MGAT3: variants seen among roughly 807,000 people sequenced by gnomAD.
MGAT3 encodes GlcNAc-T III.
In MGAT3, 9 loss-of-function variants were observed where a neutral mutation model predicts 29.8. The ratio of observed to expected loss-of-function variants is 0.30; its 90% CI spans 0.18 to 0.53. MGAT3 has a LOEUF of 0.53. MGAT3 is among the 20% of genes least tolerant of loss of function. The probability of loss-of-function intolerance (pLI) is 0.96; values close to 1 mark genes in which losing one functional copy is unlikely to be tolerated. For synonymous variants in MGAT3, 397 were observed against 348.9 expected, an observed-to-expected ratio of 1.14 and a Z score of -1.54; for missense variants, 557 against 769.5, an observed-to-expected ratio of 0.72 and a Z score of 3.27.
intron 1 of MGAT3, among the ~76,000 whole-genome samples, chr22:39,465,815 T>TCAGCTA (rs1359397012): frequency 4.0e-5 from 6 of 151,450 alleles, no homozygotes; most frequent in Non-Finnish European, 8.8e-5. Flanking sequence ...GCCTGTAATC[T>TCAGCTA]CAGCTACTCG....
At position 39,489,781 on chromosome 22, in the gene MGAT3, G is replaced by C. The variant is rs1929401471; in HGVS notation, c.*832G>C. On this transcript the variant is annotated 3_prime_UTR_variant, in exon 2 of 2. Transcript: ENST00000341184. ...AGAGTCCAGTTGTAGGTGTGGCCTT[G>C]AGGGGGAAGTGGGGAGGAGAAGACT... 6.0e-6 allele frequency: 1 copy of C among 167,462 alleles called. No homozygotes were observed. Among genetic ancestry groups the C allele is most frequent in the Admixed American group, 6.5e-5 (1 of 15,290 alleles). The allele number at this position is 167,462 out of a possible 1,614,324, so 10.4% of individuals were successfully genotyped here.
intron 1 of MGAT3, among the ~76,000 whole-genome samples, chr22:39,481,557 G>A (rs1037683877): frequency 6.6e-6 from 1 of 152,218 alleles, no homozygotes; most frequent in Non-Finnish European, 1.5e-5. Flanking sequence ...GAGTGAATGA[G>A]TGACGTGGGT....
In MGAT3 at chr22:39,489,372, G is replaced by T; in HGVS notation, c.*423G>T. On this transcript the variant is annotated 3_prime_UTR_variant, in exon 2 of 2. Coordinates refer to ENST00000341184, the MANE Select transcript of MGAT3 (RefSeq NM_002409.5). ...ATCCCTGGGCCTTGGGCTCCGTGTG[G>T]GAGACCGGCCTGCCAGGAGGACCCA... 2 of 224,516 alleles carry T rather than the reference G, an allele frequency of 8.9e-6. No individual in the cohort carries two copies. The highest frequency in any genetic ancestry group is 2.3e-5 in the African/African-American group (1 of 43,188). 13.9% of individuals were successfully genotyped at this position (224,516 alleles called of 1,614,324 possible). A position where few individuals can be genotyped will look rare whatever the true frequency, so the allele number is the denominator to read the frequency against.
intron 1 of MGAT3, among the ~76,000 whole-genome samples, chr22:39,471,502 A>C (rs1447932295): frequency 6.6e-6 from 1 of 151,808 alleles, no homozygotes; most frequent in Non-Finnish European, 1.5e-5. Flanking sequence ...GCCCCTTCCC[A>C]CTGCCCTCAC....
chr22:39,470,145 G>A (rs1267685828), intron 1 of MGAT3, among the ~76,000 whole-genome samples: 5 of 152,188 alleles, frequency 3.3e-5, no homozygotes, highest in Non-Finnish European at 5.9e-5. Flanking sequence ...CTGTGGCCTC[G>A]CCAGCAGGGT....
At chr22:39,473,426 A>G (rs912859717) in intron 1 of MGAT3, among the ~76,000 whole-genome samples, 2 of 152,186 alleles carry the variant, frequency 1.3e-5, no homozygotes, top group African/African-American at 4.8e-5. Flanking sequence ...CCATGCTGTT[A>G]TCAGGAACAA....
At chr22:39,461,214 C>T (rs758823368) in intron 1 of MGAT3, among the ~76,000 whole-genome samples, 8 of 152,048 alleles carry the variant, frequency 5.3e-5, no homozygotes, top group South Asian at 4.2e-4. Flanking sequence ...AGGCATTCAG[C>T]GGGTGCTTAA....
intron 1 of MGAT3, among the ~76,000 whole-genome samples, chr22:39,467,829 A>G (rs570580547): frequency 3.3e-5 from 5 of 149,586 alleles, no homozygotes; most frequent in African/African-American, 1.2e-4. Context: ...AAAAAAAAAA[A>G]GAGGTAGAAC....
chr22:39,485,284 C>T (rs141400672), intron 1 of MGAT3, among the ~76,000 whole-genome samples: 4 of 152,230 alleles, frequency 2.6e-5, no homozygotes, highest in African/African-American at 7.2e-5. Flanking sequence ...TGGCTACGGT[C>T]GGAGGTGCTC....
intron 1 of MGAT3, among the ~76,000 whole-genome samples, chr22:39,461,943 C>T (rs1472624070): frequency 6.6e-6 from 1 of 151,802 alleles, no homozygotes; most frequent in East Asian, 1.9e-4. Context: ...CACTCTGTCA[C>T]CAGGCTGGAG....
intron 1 of MGAT3, among the ~76,000 whole-genome samples, chr22:39,464,689 C>T (rs1928588619): frequency 6.6e-6 from 1 of 151,902 alleles, no homozygotes; most frequent in African/African-American, 2.4e-5. Flanking sequence ...GATCCACCTG[C>T]CTCCGCCTCC....
chr22:39,467,661 G>A (rs920937059), intron 1 of MGAT3, among the ~76,000 whole-genome samples: 8 of 151,310 alleles, frequency 5.3e-5, no homozygotes, highest in East Asian at 1.9e-4. Flanking sequence ...TTTTCTTTTC[G>A]TTTCGTTTCG....
chr22:39,473,510 TA>T (rs1354207853), intron 1 of MGAT3, among the ~76,000 whole-genome samples: 2 of 152,152 alleles, frequency 1.3e-5, no homozygotes, highest in Non-Finnish European at 2.9e-5. Context: ...AATCACCTCT[TA>T]AAGTCCACAC....
At chr22:39,469,913 A>C (rs958541593) in intron 1 of MGAT3, among the ~76,000 whole-genome samples, 1 of 152,176 alleles carries the variant, frequency 6.6e-6, no homozygotes, top group Non-Finnish European at 1.5e-5. Context: ...AGGGCAGGGG[A>C]GGAGCGCCTG....
At position 39,489,226 on chromosome 22, in the gene MGAT3, G is replaced by C. The variant is rs1043594931; in HGVS notation, c.*277G>C. On this transcript the variant is annotated 3_prime_UTR_variant, in exon 2 of 2. Coordinates refer to ENST00000341184, the MANE Select transcript of MGAT3 (RefSeq NM_002409.5). ...GCTGTGGCCAGGAGGTGCCACTGGA[G>C]TGTGCGTGGTGGTCCCTGGGTAGCG... 6 of 530,940 alleles carry C rather than the reference G, an allele frequency of 1.1e-5. No homozygotes were observed. The highest frequency in any genetic ancestry group is 7.7e-5 in the African/African-American group (4 of 52,140). 32.9% of individuals were successfully genotyped at this position (530,940 alleles called of 1,614,324 possible).
At chr22:39,478,585 G>A (rs944913099) in intron 1 of MGAT3, among the ~76,000 whole-genome samples, 1 of 152,224 alleles carries the variant, frequency 6.6e-6, no homozygotes, top group Admixed American at 6.5e-5. Context: ...TAGGACTCTG[G>A]CCAGCACGGG....
rs762545240 is a variant in MGAT3, at chr22:39,487,889, G to A, written c.542G>A (p.Ser181Asn). ...CVCLPGWHGP[S>N]CGVPTVVQYS... ...TGCCTGCCCGGCTGGCACGGACCCA[G>A]CTGCGGCGTGCCCACTGTGGTGCAG... is the stretch of plus-strand genomic sequence containing the variant. The change falls in exon 2 of 2, where the codon AGC (serine) becomes AAC (asparagine). Residue 181 changes from serine to asparagine, a missense_variant. By Grantham distance (46) the Ser-to-Asn change is conservative (BLOSUM62 1). This residue lies in a region of MGAT3 where 243 missense variants were observed against 444.0 expected (regional missense o/e 0.55). Coordinates refer to ENST00000341184, the MANE Select transcript of MGAT3 (RefSeq NM_002409.5). The surrounding 1 kb of genome is among the most constrained non-coding windows in gnomAD (Gnocchi z 5.7). The A allele has an allele frequency of 6.3e-7, 1 of 1,579,274 alleles. No homozygotes were observed. The highest frequency in any genetic ancestry group is 8.6e-7 in the Non-Finnish European group (1 of 1,162,836).
chr22:39,467,559 C>T (rs1222176932), intron 1 of MGAT3, among the ~76,000 whole-genome samples: 2 of 152,172 alleles, frequency 1.3e-5, no homozygotes, highest in Non-Finnish European at 2.9e-5. Flanking sequence ...GAAGAGAATA[C>T]GAAGTACAGT....
Position 39,487,801 on chromosome 22 carries a change from C to T in MGAT3, c.454C>T (p.Leu152Phe), listed in dbSNP as rs1264052620. ...GSSARRPPRY[L>F]LSARERTGGR... ...CTCGGCCCGGCGGCCACCCCGGTAC[C>T]TCCTGAGCGCCCGGGAGCGCACGGG... is the stretch of plus-strand genomic sequence containing the variant. Residue 152 changes from leucine to phenylalanine, a missense_variant, in exon 2 of 2, where the codon CTC becomes TTC. Coordinates refer to ENST00000341184, the MANE Select transcript of MGAT3 (RefSeq NM_002409.5). The surrounding 1 kb of genome is among the most constrained non-coding windows in gnomAD (Gnocchi z 5.7). The T allele has an allele frequency of 4.7e-6, 7 of 1,495,768 alleles. No individual in the cohort carries two copies. The highest frequency in any genetic ancestry group is 4.9e-5 in the Admixed American group (2 of 40,974). The allele number at this position is 1,495,768 out of a possible 1,614,324, so 92.7% of individuals were successfully genotyped here. A position where few individuals can be genotyped will look rare whatever the true frequency, so the allele number is the denominator to read the frequency against.
Sources: gnomAD v4.1 joint callset for allele counts (sites outside exome capture counted in the v4.1 genomes callset) on GRCh38, gnomAD v4.1.1 for gene constraint, gnomAD v4.1.1 regional missense constraint, Gnocchi (gnomAD v3.1) non-coding constraint, MANE v1.5 for transcripts, NCBI Gene and HGNC (gene_info 2026-07-23, HGNC 2026-07-21) for gene names.